The following ALG14 variants were observed in gnomAD, a reference collection of about 807,000 sequenced individuals.
ALG14 encodes the protein UDP-N-acetylglucosamine transferase subunit ALG14.
A neutral mutation model predicts 22.8 loss-of-function variants in ALG14; 17 were observed. That is an observed-to-expected ratio of 0.75 (90% CI 0.51 to 1.12). The LOEUF is 1.12. Among genes scored for constraint, ALG14 ranks in the 50% most tolerant of loss-of-function variants. The probability of loss-of-function intolerance (pLI) is 0.00; values close to 1 mark genes in which losing one functional copy is unlikely to be tolerated. For missense variants in ALG14, 288 were observed against 271.8 expected, an observed-to-expected ratio of 1.06 and a Z score of -0.42; for synonymous variants, 89 against 103.7, an observed-to-expected ratio of 0.86 and a Z score of 0.86.
chr1:94,997,552 C>A (rs1447638479), intron 3 of ALG14, among the ~76,000 whole-genome samples: 1 of 152,184 alleles, frequency 6.6e-6, no homozygotes, highest in Non-Finnish European at 1.5e-5. Context: ...AGCATGGGCT[C>A]TGGAGCCTGA....
intron 3 of ALG14, among the ~76,000 whole-genome samples, chr1:95,013,149 C>G (rs1332132669): frequency 6.6e-6 from 1 of 150,762 alleles, no homozygotes; most frequent in Non-Finnish European, 1.5e-5. Context: ...AAAAAAAACC[C>G]AGAAGAATCT....
intron 2 of ALG14, among the ~76,000 whole-genome samples, chr1:95,055,975 C>T (rs1674918666): frequency 6.7e-6 from 1 of 149,114 alleles, no homozygotes; most frequent in African/African-American, 2.5e-5. Flanking sequence ...CACCACTGCA[C>T]TCCAGCCTGG....
intron 2 of ALG14, among the ~76,000 whole-genome samples, chr1:95,028,565 G>A (rs894108982): frequency 6.6e-5 from 10 of 152,124 alleles, no homozygotes; most frequent in African/African-American, 2.4e-4. Context: ...CACCTGTAAT[G>A]CGAGCACTCT....
chr1:95,071,802 C>T (rs1428486724), intron 1 of ALG14, among the ~76,000 whole-genome samples: 1 of 152,194 alleles, frequency 6.6e-6, no homozygotes, highest in African/African-American at 2.4e-5. Context: ...AGTGCCCTTC[C>T]TGAAGACTGC....
chr1:95,024,779 A>G (rs1673764853), intron 3 of ALG14, among the ~76,000 whole-genome samples: 4 of 152,218 alleles, frequency 2.6e-5, no homozygotes, highest in Admixed American at 2.0e-4. Context: ...GAATTCAGTC[A>G]CATCTTCAGG....
chr1:95,022,546 G>A (rs138532712), intron 3 of ALG14, among the ~76,000 whole-genome samples: 1 of 152,196 alleles, frequency 6.6e-6, no homozygotes, highest in Non-Finnish European at 1.5e-5. Flanking sequence ...ATATGGAGAG[G>A]AAACACACAG....
intron 3 of ALG14, among the ~76,000 whole-genome samples, chr1:94,989,012 A>G (rs1672708698): frequency 6.6e-6 from 1 of 152,208 alleles, no homozygotes; most frequent in South Asian, 2.1e-4. Flanking sequence ...AAAGTTAGTT[A>G]TATTTGTTTT....
intron 3 of ALG14, among the ~76,000 whole-genome samples, chr1:95,006,123 A>G (rs1041377635): frequency 6.6e-6 from 1 of 152,202 alleles, no homozygotes; most frequent in African/African-American, 2.4e-5. Context: ...GTTTTGAGTT[A>G]TCAATACGAT....
chr1:94,980,147 G>A lies in ALG14; in HGVS notation c.*2929C>T, dbSNP rs1308021404. 2.0e-5 allele frequency: 3 copies of A among 152,078 alleles called. No individual in the cohort carries two copies. The highest frequency in any genetic ancestry group is 4.4e-5 in the Non-Finnish European group (3 of 68,014). 9.4% of individuals were successfully genotyped at this position (152,078 alleles called of 1,614,324 possible). A position where few individuals can be genotyped will look rare whatever the true frequency, so the allele number is the denominator to read the frequency against. On this transcript the variant is annotated 3_prime_UTR_variant, in exon 4 of 4. Coordinates refer to ENST00000370205, the MANE Select transcript of ALG14 (RefSeq NM_144988.4). Reference sequence around the variant, plus strand: ...TTTAACTTACCATGTATCTTTGAAAGGTAGAATGATGTGTTCCAAGTTGCT... The same window carrying A: ...TTTAACTTACCATGTATCTTTGAAAAGTAGAATGATGTGTTCCAAGTTGCT...
chr1:95,056,688 GAGTATAACTCTATGAC>G (rs1165875156), intron 2 of ALG14, among the ~76,000 whole-genome samples: 1 of 151,984 alleles, frequency 6.6e-6, no homozygotes, highest in Non-Finnish European at 1.5e-5. Flanking sequence ...AATAACACTT[GAGTATAACTCTATGAC>G]CTTTAAGTCC....
chr1:95,052,792 G>A (rs1231436788), intron 2 of ALG14, among the ~76,000 whole-genome samples: 1 of 150,576 alleles, frequency 6.6e-6, no homozygotes, highest in African/African-American at 2.4e-5. Flanking sequence ...GGGAGACACA[G>A]GTTGTACTGA....
At chr1:95,011,678 GT>G (rs1571603438) in intron 3 of ALG14, among the ~76,000 whole-genome samples, 4 of 152,036 alleles carry the variant, frequency 2.6e-5, no homozygotes, top group Admixed American at 2.0e-4. Flanking sequence ...GCCTCCCAAA[GT>G]GCTGGGATTA....
chr1:95,028,690 T>C (rs563302310), intron 2 of ALG14, among the ~76,000 whole-genome samples: 2 of 151,920 alleles, frequency 1.3e-5, no homozygotes, highest in Admixed American at 1.3e-4. Context: ...TCTCAGCTAT[T>C]TGGGAGGCTG....
At chr1:95,044,343 T>C (rs1481575697) in intron 2 of ALG14, among the ~76,000 whole-genome samples, 2 of 152,158 alleles carry the variant, frequency 1.3e-5, no homozygotes, top group African/African-American at 4.8e-5. Flanking sequence ...CAAGCAAAAC[T>C]TTCCAACAGG....
At position 94,982,580 on chromosome 1, in the gene ALG14, T is replaced by A. The variant is rs922151986; in HGVS notation, c.*496A>T. The A allele has an allele frequency of 6.5e-6, 1 of 153,524 alleles. No individual in the cohort carries two copies. The highest frequency in any genetic ancestry group is 1.4e-5 in the Non-Finnish European group (1 of 69,492). 9.5% of individuals were successfully genotyped at this position (153,524 alleles called of 1,614,324 possible). The stretch of plus-strand genomic sequence containing the variant: ...CAATTTAATATAACTGCTTCCTTTA[T>A]GCTGAAAGGATTCACTGGGGACATC... On this transcript the variant is annotated 3_prime_UTR_variant, in exon 4 of 4. Transcript: ENST00000370205.
intron 2 of ALG14, among the ~76,000 whole-genome samples, chr1:95,057,133 G>A (rs540960904): frequency 4.7e-4 from 71 of 149,500 alleles, no homozygotes; most frequent in African/African-American, 1.4e-3. Context: ...AATGTATACC[G>A]TTTTATATAT....
intron 2 of ALG14, among the ~76,000 whole-genome samples, chr1:95,059,127 A>G (rs1310754593): frequency 6.6e-6 from 1 of 152,006 alleles, no homozygotes; most frequent in African/African-American, 2.4e-5. Flanking sequence ...GGCTGGGCAC[A>G]GTGGCTGACG....
At chr1:94,999,509 C>T (rs1553225191) in intron 3 of ALG14, among the ~76,000 whole-genome samples, 1 of 152,140 alleles carries the variant, frequency 6.6e-6, no homozygotes. Context: ...CTTTTCCACT[C>T]TTCCTTTTCC....
intron 3 of ALG14, among the ~76,000 whole-genome samples, chr1:94,988,816 T>G (rs979468940): frequency 3.9e-5 from 6 of 152,176 alleles, no homozygotes; most frequent in African/African-American, 1.4e-4. Context: ...CTCTTTTAAA[T>G]ATTAACTTTT....
Sources: allele counts gnomAD v4.1 joint callset (sites outside exome capture counted in the v4.1 genomes callset), GRCh38; gene constraint gnomAD v4.1.1; transcripts MANE v1.5; gene names NCBI Gene and HGNC (gene_info 2026-07-23, HGNC 2026-07-21).